The following NOTCH2 variants were observed in gnomAD, a reference collection of about 807,000 sequenced individuals.
The protein encoded by NOTCH2 is notch receptor 2.
In NOTCH2, 29 loss-of-function variants were observed where a neutral mutation model predicts 235.8. The observed-to-expected ratio is 0.12, with a 90% confidence interval of 0.09 to 0.17. The LOEUF (loss-of-function observed/expected upper bound fraction) is 0.17. Ranked by LOEUF, NOTCH2 falls within the 10% of genes least tolerant of loss-of-function variation. NOTCH2 has a pLI of 1.00. For synonymous variants in NOTCH2, 1,086 were observed against 1,141.5 expected, an observed-to-expected ratio of 0.95 and a Z score of 0.98; for missense variants, 2,285 against 3,150.2, an observed-to-expected ratio of 0.73 and a Z score of 6.57.
chr1:119,959,067 G>C (rs1341947023), intron 12 of NOTCH2, among the ~76,000 whole-genome samples: 1 of 152,090 alleles, frequency 6.6e-6, no homozygotes, highest in East Asian at 1.9e-4. Context: ...TTTACGGAAG[G>C]CCTTGACTAC....
In NOTCH2 at chr1:119,926,452, T is replaced by C. The variant is rs587711891; in HGVS notation, c.4005+47A>G. On this transcript the variant is annotated intron_variant, in intron 24 of 33. Coordinates refer to ENST00000256646, the MANE Select transcript of NOTCH2 (RefSeq NM_024408.4). Reference sequence around the variant, plus strand: ...TAATCTCAGTTCTGTTCACAGATTGTATGGAAGAGACAATGCCCCTTCTTA... The same window carrying C: ...TAATCTCAGTTCTGTTCACAGATTGCATGGAAGAGACAATGCCCCTTCTTA... 17 of 1,318,694 alleles carry C rather than the reference T, an allele frequency of 1.3e-5. No individual in the cohort carries two copies. The East Asian group carries it at 3.6e-4, about 28-fold the overall frequency. The allele number at this position is 1,318,694 out of a possible 1,614,324, so 81.7% of individuals were successfully genotyped here.
chr1:119,929,070 G>A lies in NOTCH2; in HGVS notation c.3798C>T (p.Asn1266=), dbSNP rs1553194807. Residue 1266 remains asparagine, a synonymous_variant, in exon 23 of 34, where the codon AAC becomes AAT. Transcript: ENST00000256646. ...AGCTGCAGGGGTTGGAGAGGCACTC[G>A]TTGATGTCTCCCTCACAACGCTCCC... is the stretch of plus-strand genomic sequence containing the variant. The part of the protein sequence containing the change: ...FAGERCEGDI[N]ECLSNPCSSE... 18 of 1,614,038 alleles carry A rather than the reference G, an allele frequency of 1.1e-5. No homozygotes were observed. The highest frequency in any genetic ancestry group is 3.3e-5 in the Admixed American group (2 of 60,000).
rs141877798 is a variant in NOTCH2, at chr1:119,955,352, C to A, written c.2027-120G>T. The A allele has an allele frequency of 1.1e-3, 1,017 of 957,414 alleles. 19 individuals are homozygous for A. In the East Asian group the frequency reaches 0.023, roughly 22 times the overall value. The allele number at this position is 957,414 out of a possible 1,614,324, so 59.3% of individuals were successfully genotyped here. A position where few individuals can be genotyped will look rare whatever the true frequency, so the allele number is the denominator to read the frequency against. On this transcript the variant is annotated intron_variant, in intron 12 of 33. Coordinates refer to ENST00000256646, the MANE Select transcript of NOTCH2 (RefSeq NM_024408.4). ...TCAGGCCATAAGGTGCCTTGAGGCA[C>A]CAAATGTCAAGATGTAAGGAATTAG...
At chr1:120,007,499 C>G (rs1291122009) in intron 2 of NOTCH2, among the ~76,000 whole-genome samples, 1 of 131,156 alleles carries the variant, frequency 7.6e-6, no homozygotes, top group Non-Finnish European at 1.5e-5. Context: ...GAGAATAGCC[C>G]GGCCAACATG....
chr1:119,936,969 A>G (rs1557811844), intron 21 of NOTCH2, among the ~76,000 whole-genome samples: 1 of 152,070 alleles, frequency 6.6e-6, no homozygotes, highest in Non-Finnish European at 1.5e-5. Flanking sequence ...GCTGCTATTC[A>G]GGGAAGTGTG....
At chr1:119,963,894 T>C in intron 10 of NOTCH2, 87 bp from the exon 11 acceptor site, 1 of 1,121,036 alleles carries the variant, frequency 8.9e-7, no homozygotes, top group South Asian at 1.3e-5. Context: ...CCATTTACTC[T>C]ACACATTCGA....
intron 6 of NOTCH2, among the ~76,000 whole-genome samples, chr1:119,969,125 ACTT>A: frequency 6.6e-6 from 1 of 152,342 alleles, no homozygotes; most frequent in Middle Eastern, 3.4e-3. Flanking sequence ...TCTCCTGCCA[ACTT>A]CTTCTGAGTA....
At chr1:119,946,865 G>A (rs1315227378) in intron 17 of NOTCH2, among the ~76,000 whole-genome samples, 1 of 151,984 alleles carries the variant, frequency 6.6e-6, no homozygotes, top group Non-Finnish European at 1.5e-5. Context: ...GAAATTAAAA[G>A]GCATAAGGGT....
intron 15 of NOTCH2, chr1:119,950,465 A>T (rs1312700408): frequency 1.6e-6 from 1 of 611,174 alleles, no homozygotes; most frequent in Non-Finnish European, 3.1e-6. Flanking sequence ...GCCTGGTTCC[A>T]GCCACATACA....
At chr1:119,961,111 G>A (rs983714396) in intron 11 of NOTCH2, among the ~76,000 whole-genome samples, 3 of 151,510 alleles carry the variant, frequency 2.0e-5, no homozygotes. Flanking sequence ...CCATTTTACA[G>A]ACAACAGGGC....
rs1339488234 is a variant in NOTCH2 at position 119,915,071 on chromosome 1, T to C, written c.*235A>G. ...AACATGGACCCAAGGCTTGTATTCA[T>C]CTTGCATTTCCACAAACTTGTCTTA... On this transcript the variant is annotated 3_prime_UTR_variant, in exon 34 of 34. Coordinates refer to ENST00000256646, the MANE Select transcript of NOTCH2 (RefSeq NM_024408.4). 7.0e-6 allele frequency: 4 copies of C among 568,444 alleles called. No individual in the cohort carries two copies. The highest frequency in any genetic ancestry group is 1.9e-5 in the African/African-American group (1 of 53,520). The allele number at this position is 568,444 out of a possible 1,614,324, so 35.2% of individuals were successfully genotyped here.
intron 6 of NOTCH2, among the ~76,000 whole-genome samples, chr1:119,968,752 A>C (rs1229242780): frequency 6.6e-6 from 1 of 152,192 alleles, no homozygotes. Context: ...TTCCTGATTC[A>C]GGTGGCCCCA....
chr1:119,974,735 T>C (rs1233446682), intron 5 of NOTCH2, among the ~76,000 whole-genome samples: 2 of 152,232 alleles, frequency 1.3e-5, no homozygotes, highest in African/African-American at 2.4e-5. Flanking sequence ...ACCTGTCTTA[T>C]CAATAGAGTA....
At chr1:119,959,180 C>T (rs1291193011) in intron 12 of NOTCH2, among the ~76,000 whole-genome samples, 1 of 152,098 alleles carries the variant, frequency 6.6e-6, no homozygotes, top group East Asian at 1.9e-4. Context: ...CAAATAAACA[C>T]ATAATCGAAA....
chr1:120,042,010 C>T (rs1476335965), intron 1 of NOTCH2, among the ~76,000 whole-genome samples: 7 of 145,350 alleles, frequency 4.8e-5, no homozygotes, highest in African/African-American at 8.3e-5. Flanking sequence ...AGCAAGCGAG[C>T]GAGCGAACGA....
chr1:119,979,554 C>A (rs587685160), intron 5 of NOTCH2, among the ~76,000 whole-genome samples: 1 of 152,246 alleles, frequency 6.6e-6, no homozygotes, highest in Admixed American at 6.5e-5. Context: ...CAACATGTAA[C>A]TCCTCTGAAA....
chr1:119,977,372 C>T (rs587753110), intron 5 of NOTCH2, among the ~76,000 whole-genome samples: 1 of 152,268 alleles, frequency 6.6e-6, no homozygotes, highest in East Asian at 1.9e-4. Flanking sequence ...TTGTATCACA[C>T]CCAGATTCAC....
intron 11 of NOTCH2, among the ~76,000 whole-genome samples, chr1:119,961,032 G>T (rs1018295323): frequency 1.3e-5 from 2 of 152,072 alleles, no homozygotes; most frequent in East Asian, 1.9e-4. Flanking sequence ...AGCAAAGTAC[G>T]CTGCTTTGCC....
intron 24 of NOTCH2, 90 bp downstream of exon 24, chr1:119,926,409 G>T: frequency 9.8e-7 from 1 of 1,022,536 alleles, no homozygotes; most frequent in Non-Finnish European, 1.5e-6. Context: ...CCATTTCGAA[G>T]ATTGGTAAAA....
Sources: gnomAD v4.1 joint callset for allele counts (sites outside exome capture counted in the v4.1 genomes callset) on GRCh38, gnomAD v4.1.1 for gene constraint, MANE v1.5 for transcripts, NCBI Gene and HGNC (gene_info 2026-07-23, HGNC 2026-07-21) for gene names.